The following CDH4 variants were observed in gnomAD, a reference collection of about 807,000 sequenced individuals.
CDH4 encodes the protein cadherin-4.
A neutral mutation model predicts 86.0 loss-of-function variants in CDH4; 33 were observed. That is an observed-to-expected ratio of 0.38 (90% CI 0.29 to 0.51). CDH4 has a LOEUF of 0.51. Among genes scored for constraint, CDH4 ranks in the 20% least tolerant of loss-of-function variants. The pLI, the probability that CDH4 is intolerant of heterozygous loss-of-function variation, is 0.86. For missense variants in CDH4, 1,114 were observed against 1,307.4 expected (o/e 0.85, Z 2.28); for synonymous variants, 555 against 549.4 (o/e 1.01, Z -0.14).
intron 2 of CDH4, among the ~76,000 whole-genome samples, chr20:61,294,162 C>T (rs1387492119): frequency 6.6e-6 from 1 of 152,110 alleles, no homozygotes; most frequent in Non-Finnish European, 1.5e-5. Context: ...GCCAGCCACC[C>T]CCGCACTCCC....
At chr20:61,432,091 A>G (rs1490797729) in intron 2 of CDH4, among the ~76,000 whole-genome samples, 1 of 152,190 alleles carries the variant, frequency 6.6e-6, no homozygotes, top group Non-Finnish European at 1.5e-5. Flanking sequence ...CTGTGAATAA[A>G]GCTGCTGTCC....
Position 61,334,113 on chromosome 20 carries a change from G to A in CDH4, c.169+79176G>A, listed in dbSNP as rs183882963. Among the ~76,000 whole-genome samples the A allele has an allele frequency of 4.8e-3, 725 of 152,308 alleles. 3 individuals are homozygous for A. The highest frequency in any genetic ancestry group is 0.016 in the African/African-American group (657 of 41,576). ...AAGAGGGCCTGGAATTGGAGCCACT[G>A]ACCACAGTAAGCCTCTGGGCCACCC... On this transcript the variant is annotated intron_variant, in intron 2 of 15. Coordinates refer to ENST00000614565, the MANE Select transcript of CDH4 (RefSeq NM_001794.5).
intron 2 of CDH4, among the ~76,000 whole-genome samples, chr20:61,385,262 A>G (rs1041818828): frequency 1.3e-5 from 2 of 152,078 alleles, no homozygotes; most frequent in African/African-American, 4.8e-5. Flanking sequence ...TGCACTTTGA[A>G]GTGGCAGCGT....
chr20:61,393,807 G>A lies in CDH4; in HGVS notation c.169+138870G>A, dbSNP rs994518880. Reference sequence around the variant, plus strand: ...ACTCTTACACCCCAGGGCTCAGTGTGTGAGAGCTACTGCCACCTTCACCAC... The same window carrying A: ...ACTCTTACACCCCAGGGCTCAGTGTATGAGAGCTACTGCCACCTTCACCAC... On this transcript the variant is annotated intron_variant, in intron 2 of 15. Transcript: ENST00000614565. This position sits in a 1 kb window ranked among gnomAD's most constrained non-coding sequence, Gnocchi z 4.3. 6.6e-6 allele frequency among the ~76,000 whole-genome samples: 1 copy of A among 152,030 alleles called. No homozygotes were observed. The highest frequency in any genetic ancestry group is 2.4e-5 in the African/African-American group (1 of 41,398).
intron 2 of CDH4, among the ~76,000 whole-genome samples, chr20:61,281,231 C>T (rs912903752): frequency 1.3e-5 from 2 of 152,134 alleles, no homozygotes; most frequent in Non-Finnish European, 1.5e-5. Flanking sequence ...TCCCCAGATT[C>T]CTGTGTTGAA....
At chr20:61,845,757 C>G (rs1982426019) in intron 5 of CDH4, among the ~76,000 whole-genome samples, 1 of 152,254 alleles carries the variant, frequency 6.6e-6, no homozygotes, top group African/African-American at 2.4e-5. Context: ...GTGTGCTTCT[C>G]CGTGGTAACT....
intron 2 of CDH4, among the ~76,000 whole-genome samples, chr20:61,564,858 G>A (rs1240634045): frequency 5.3e-5 from 8 of 152,140 alleles, no homozygotes; most frequent in Admixed American, 1.3e-4. Context: ...CGAGGTCCCC[G>A]GGGGAGATGC....
rs1353887398 is a variant in CDH4, at chr20:61,258,340, A to AAAAAAAAG, written c.169+3408_169+3409insAAGAAAAA. ...ACGAGACTCCGTCTCAAAAAAAAAAAAAAAAGAAAAAAAAAAAAGAAAGAG... is the reference window on the plus strand; with the variant it reads ...ACGAGACTCCGTCTCAAAAAAAAAAAAAAAAAAGAAAAAGAAAAAAAAAAAAGAAAGAG... On this transcript the variant is annotated intron_variant, in intron 2 of 15. Transcript: ENST00000614565. Among the ~76,000 whole-genome samples the AAAAAAAAG allele has an allele frequency of 4.0e-3, 488 of 121,810 alleles. 13 individuals are homozygous for AAAAAAAAG. The highest frequency in any genetic ancestry group is 0.014 in the African/African-American group (462 of 32,274). 79.9% of individuals were successfully genotyped at this position (121,810 alleles called of 152,430 possible).
chr20:61,885,305 TACCCCCAGC>T lies in CDH4; in HGVS notation c.1051-9604_1051-9596del, dbSNP rs574256487. On this transcript the variant is annotated intron_variant, in intron 7 of 15. Transcript: ENST00000614565. ...CCATCCCATTTCTCCTCGACTCCCT[TACCCCCAGC>T]TCCCCCAGCCCCTGGCAGCCCCAAA... 1.2e-3 allele frequency among the ~76,000 whole-genome samples: 182 copies of T among 152,270 alleles called. 2 individuals carry two copies. The highest frequency in any genetic ancestry group is 4.3e-3 in the African/African-American group (178 of 41,568).
intron 4 of CDH4, among the ~76,000 whole-genome samples, chr20:61,817,230 C>A (rs74901971): frequency 0.019 from 2,968 of 152,346 alleles, 79 homozygotes; most frequent in East Asian, 0.094. Context: ...CTTGCAGGAG[C>A]AAGATCAGGA....
chr20:61,791,074 C>T (rs759630818), intron 4 of CDH4, among the ~76,000 whole-genome samples: 53 of 140,178 alleles, frequency 3.8e-4, no homozygotes, highest in Non-Finnish European at 7.0e-4. Context: ...TGTTTCAAAA[C>T]GCTTAAGGCC....
chr20:61,412,242 G>T, intron 2 of CDH4, among the ~76,000 whole-genome samples: 1 of 152,150 alleles, frequency 6.6e-6, no homozygotes, highest in East Asian at 1.9e-4. Flanking sequence ...GAAACTCTGG[G>T]TCCGTAGCAT....
In CDH4 at chr20:61,459,148, G is replaced by A. The variant is rs578002952; in HGVS notation, c.169+204211G>A. Among the ~76,000 whole-genome samples, 3 of 152,186 alleles carry A rather than the reference G, an allele frequency of 2.0e-5. No individual in the cohort carries two copies. In the East Asian group the frequency reaches 5.8e-4, roughly 30 times the overall value. ...GCATGGTCTCTGCCTTCATGGGCTG[G>A]TGTTGCCTGGTGGCTGCTTTAGCTT... On this transcript the variant is annotated intron_variant, in intron 2 of 15. Coordinates refer to ENST00000614565, the MANE Select transcript of CDH4 (RefSeq NM_001794.5).
chr20:61,887,749 C>T (rs1191317576), intron 7 of CDH4, among the ~76,000 whole-genome samples: 4 of 152,338 alleles, frequency 2.6e-5, no homozygotes, highest in South Asian at 2.1e-4. Context: ...CATTCTTCTC[C>T]GCTTGGATCC....
intron 2 of CDH4, among the ~76,000 whole-genome samples, chr20:61,315,354 C>T (rs1649965532): frequency 6.6e-6 from 1 of 152,196 alleles, no homozygotes; most frequent in Admixed American, 6.5e-5. Flanking sequence ...GGACATTGAG[C>T]TTCCAGTGAG....
chr20:61,844,471 C>T (rs1038162513), intron 4 of CDH4, among the ~76,000 whole-genome samples, 197 bp from the exon 5 acceptor site: 6 of 152,094 alleles, frequency 3.9e-5, no homozygotes, highest in African/African-American at 1.4e-4. Context: ...GACCTGCAGT[C>T]GGCGGCTCTC....
At position 61,582,049 on chromosome 20, in the gene CDH4, T is replaced by C. The variant is rs2086433426; in HGVS notation, c.170-161514T>C. Among the ~76,000 whole-genome samples, 2 of 152,280 alleles carry C rather than the reference T, an allele frequency of 1.3e-5. No individual in the cohort carries two copies. The highest frequency in any genetic ancestry group is 1.9e-4 in the East Asian group (1 of 5,156). ...AGGGCAGCCTGTGGGAAGAGGGTGC[T>C]CCCAGCCCTCCAGCCTGGCTGCGGG... is the stretch of plus-strand genomic sequence containing the variant. On this transcript the variant is annotated intron_variant, in intron 2 of 15. Transcript: ENST00000614565. This position sits in a 1 kb window ranked among gnomAD's most constrained non-coding sequence, Gnocchi z 4.2.
At chr20:61,770,804 G>C (rs1176667073) in intron 3 of CDH4, among the ~76,000 whole-genome samples, 1 of 151,068 alleles carries the variant, frequency 6.6e-6, no homozygotes, top group African/African-American at 2.4e-5. Flanking sequence ...AATGGCATGA[G>C]CCCGGGAGGC....
chr20:61,823,640 C>T lies in CDH4; in HGVS notation c.577-21028C>T, dbSNP rs79230052. 6.0e-3 allele frequency among the ~76,000 whole-genome samples: 918 copies of T among 152,262 alleles called. 5 individuals carry two copies. Among genetic ancestry groups the T allele is most frequent in the South Asian group, 0.015 (71 of 4,824 alleles). On this transcript the variant is annotated intron_variant, in intron 4 of 15. Coordinates refer to ENST00000614565, the MANE Select transcript of CDH4 (RefSeq NM_001794.5). ...GCAGGATGAGGACTTGAACCCAGAG[C>T]TCTTTGTATCCCAAACCCATGCTTA...
Sources: gnomAD v4.1 joint callset for allele counts (sites outside exome capture counted in the v4.1 genomes callset) on GRCh38, gnomAD v4.1.1 for gene constraint, Gnocchi (gnomAD v3.1) non-coding constraint, MANE v1.5 for transcripts, NCBI Gene and HGNC (gene_info 2026-07-23, HGNC 2026-07-21) for gene names.